Variants in CFAP61 observed in about 807,000 individuals in gnomAD.
CFAP61 encodes the protein cilia and flagella associated protein 61.
Under a neutral mutation model 135.6 loss-of-function variants are expected in CFAP61, and 107 were observed. The observed-to-expected ratio is 0.79, with a 90% CI of 0.67 to 0.93. CFAP61 has a LOEUF of 0.93. CFAP61 is among the 40% of genes least tolerant of loss of function. CFAP61 has a pLI of 0.00. For synonymous variants in CFAP61, 575 were observed against 578.5 expected (o/e 0.99, Z 0.09); for missense variants, 1,507 against 1,556.2 (o/e 0.97, Z 0.53).
intron 3 of CFAP61, among the ~76,000 whole-genome samples, chr20:20,073,074 TTAAAGC>T (rs2045832050): frequency 1.3e-5 from 2 of 152,208 alleles, no homozygotes; most frequent in African/African-American, 4.8e-5. Context: ...GATTTTTATC[TTAAAGC>T]TAAAGAATAA....
intron 26 of CFAP61, among the ~76,000 whole-genome samples, chr20:20,358,264 A>C (rs1242321071): frequency 6.6e-6 from 1 of 150,766 alleles, no homozygotes; most frequent in Non-Finnish European, 1.5e-5. Context: ...GGGAATGGTC[A>C]TACTGTGAGG....
intron 22 of CFAP61, among the ~76,000 whole-genome samples, chr20:20,283,625 A>G (rs2054359641): frequency 6.6e-6 from 1 of 152,222 alleles, no homozygotes; most frequent in Non-Finnish European, 1.5e-5. Flanking sequence ...GCTAAAATCA[A>G]GGTGCCAATC....
intron 10 of CFAP61, among the ~76,000 whole-genome samples, chr20:20,163,580 A>C (rs1489028418): frequency 7.4e-6 from 1 of 135,002 alleles, no homozygotes; most frequent in Non-Finnish European, 1.6e-5. Context: ...TCATGTGAGA[A>C]CTAGTTTTTT....
intron 24 of CFAP61, among the ~76,000 whole-genome samples, chr20:20,294,891 G>A (rs2055290001): frequency 6.6e-6 from 1 of 150,506 alleles, no homozygotes; most frequent in South Asian, 2.1e-4. Flanking sequence ...TTGCGCCACT[G>A]CAGTCCGCAG....
chr20:20,137,402 A>T (rs914988771), intron 8 of CFAP61, among the ~76,000 whole-genome samples: 11 of 152,256 alleles, frequency 7.2e-5, no homozygotes, highest in African/African-American at 2.4e-4. Flanking sequence ...GGAGTAGGAA[A>T]CCTTAGAAAT....
intron 2 of CFAP61, among the ~76,000 whole-genome samples, chr20:20,068,077 C>T (rs2045432881): frequency 6.6e-6 from 1 of 152,118 alleles, no homozygotes; most frequent in South Asian, 2.1e-4. Flanking sequence ...GCTAATTGTA[C>T]TGTAAGACCC....
intron 25 of CFAP61, among the ~76,000 whole-genome samples, chr20:20,325,393 C>T (rs191103629): frequency 1.3e-5 from 2 of 152,330 alleles, no homozygotes; most frequent in African/African-American, 2.4e-5. Flanking sequence ...CTCGTGCCTT[C>T]CTCCTGCCTC....
intron 25 of CFAP61, among the ~76,000 whole-genome samples, chr20:20,299,646 T>A (rs951136867): frequency 6.6e-6 from 1 of 152,244 alleles, no homozygotes; most frequent in Admixed American, 6.5e-5. Context: ...CTCAGGTTTA[T>A]GGCTTACCAA....
intron 18 of CFAP61, among the ~76,000 whole-genome samples, chr20:20,240,048 G>A (rs1243604006): frequency 6.6e-6 from 1 of 152,132 alleles, no homozygotes; most frequent in Non-Finnish European, 1.5e-5. Context: ...GTGGTTAGTT[G>A]GCCAAAGCTT....
At chr20:20,090,733 A>T in intron 6 of CFAP61, 111 bp from the exon 7 acceptor site, 2 of 774,966 alleles carry the variant, frequency 2.6e-6, no homozygotes, top group Non-Finnish European at 4.2e-6. Context: ...TGATATCATG[A>T]GTGTTGCTCT....
chr20:20,269,376 T>TAC (rs750787503), intron 21 of CFAP61, among the ~76,000 whole-genome samples: 5 of 151,578 alleles, frequency 3.3e-5, no homozygotes, highest in African/African-American at 4.8e-5. Context: ...TATATATATA[T>TAC]ACACACACAT....
intron 25 of CFAP61, among the ~76,000 whole-genome samples, chr20:20,314,189 G>T (rs2122209425): frequency 7.2e-6 from 1 of 138,332 alleles, no homozygotes; most frequent in Non-Finnish European, 1.5e-5. Context: ...TTCAAGAGGA[G>T]CCTGGGCAAC....
intron 25 of CFAP61, among the ~76,000 whole-genome samples, chr20:20,311,378 C>T (rs2056817642): frequency 6.6e-6 from 1 of 152,160 alleles, no homozygotes; most frequent in Non-Finnish European, 1.5e-5. Context: ...AACTAAATAG[C>T]TGCCAAAATG....
Position 20,075,204 on chromosome 20 carries a change from A to G in CFAP61, c.387A>G (p.Ala129=), listed in dbSNP as rs367870948. Residue 129 remains alanine, a synonymous_variant, in exon 5 of 27, where the codon GCA becomes GCG. Transcript: ENST00000245957. ...CKEILRTVYK[A]VPELHFIFLI... ...TCCTCACCAGAACCGTGTATAAGGC[A>G]GTGCCAGAGCTGCACTTCATATTTC... 104 of 1,614,006 alleles carry G rather than the reference A, an allele frequency of 6.4e-5. No homozygotes were observed. Among genetic ancestry groups the G allele is most frequent in the Admixed American group, 2.0e-4 (12 of 59,996 alleles).
At chr20:20,315,677 C>T (rs1469262907) in intron 25 of CFAP61, among the ~76,000 whole-genome samples, 2 of 151,746 alleles carry the variant, frequency 1.3e-5, no homozygotes, top group Non-Finnish European at 2.9e-5. Context: ...TTAGGTCTAA[C>T]GTTTAAGTCT....
At chr20:20,054,013 G>GTTT (rs1239349657) in intron 1 of CFAP61, among the ~76,000 whole-genome samples, 93 of 59,074 alleles carry the variant, frequency 1.6e-3, no homozygotes, top group Middle Eastern at 0.012. Flanking sequence ...TTTTTTGTTT[G>GTTT]TTTTTTTTTT....
chr20:20,220,828 C>T (rs556972176), intron 17 of CFAP61, among the ~76,000 whole-genome samples: 4 of 152,288 alleles, frequency 2.6e-5, no homozygotes, highest in African/African-American at 9.6e-5. Context: ...GTTTCCCGAA[C>T]CTTTCAGCTC....
At chr20:20,052,758 G>A (rs1555824831) in intron 1 of CFAP61, 167 bp downstream of exon 1, 5 of 1,554,922 alleles carry the variant, frequency 3.2e-6, no homozygotes, top group Non-Finnish European at 4.4e-6. Context: ...CAATCTGGAT[G>A]CTCGAGGGCG....
chr20:20,154,640 C>A (rs1205228477), intron 9 of CFAP61, among the ~76,000 whole-genome samples: 2 of 151,658 alleles, frequency 1.3e-5, no homozygotes, highest in Non-Finnish European at 3.0e-5. Flanking sequence ...AACAACAACA[C>A]ACAAACAAAA....
Sources: gnomAD v4.1 joint callset for allele counts (sites outside exome capture counted in the v4.1 genomes callset) on GRCh38, gnomAD v4.1.1 for gene constraint, MANE v1.5 for transcripts, NCBI Gene and HGNC (gene_info 2026-07-23, HGNC 2026-07-21) for gene names.